Variants in ALCAM observed in about 807,000 individuals in gnomAD.
ALCAM encodes activated leukocyte cell adhesion molecule.
A neutral mutation model predicts 70.9 loss-of-function variants in ALCAM; 30 were observed. The observed-to-expected ratio is 0.42, with a 90% CI of 0.32 to 0.57. The LOEUF (loss-of-function observed/expected upper bound fraction) is 0.57. Among genes scored for constraint, ALCAM ranks in the 20% least tolerant of loss-of-function variants. The pLI is 0.11. For synonymous variants in ALCAM, 249 were observed against 242.5 expected (o/e 1.03, Z -0.25); for missense variants, 591 against 695.1 (o/e 0.85, Z 1.68).
intron 3 of ALCAM, 72 bp from the exon 4 acceptor site, chr3:105,531,930 G>C: frequency 1.7e-6 from 2 of 1,154,988 alleles, no homozygotes; most frequent in Non-Finnish European, 2.6e-6. Flanking sequence ...AATTGTTTTT[G>C]CTGTGAATCA....
chr3:105,480,558 T>C (rs1275035522), intron 1 of ALCAM, among the ~76,000 whole-genome samples: 1 of 152,102 alleles, frequency 6.6e-6, no homozygotes, highest in African/African-American at 2.4e-5. Flanking sequence ...CAGAAAATCA[T>C]AGTGCTCAGA....
chr3:105,559,884 C>T (rs1940596931), intron 14 of ALCAM, among the ~76,000 whole-genome samples: 2 of 152,116 alleles, frequency 1.3e-5, no homozygotes, highest in African/African-American at 4.8e-5. Context: ...GTTGTTACAC[C>T]TATGAGTGGC....
At chr3:105,465,346 G>C (rs1254144412) in intron 1 of ALCAM, among the ~76,000 whole-genome samples, 1 of 151,440 alleles carries the variant, frequency 6.6e-6, no homozygotes, top group Non-Finnish European at 1.5e-5. Flanking sequence ...TTAAGGAGTA[G>C]GTTCAGAAGA....
chr3:105,573,040 G>T (rs1940888737), intron 15 of ALCAM, among the ~76,000 whole-genome samples: 2 of 152,008 alleles, frequency 1.3e-5, no homozygotes, highest in Non-Finnish European at 2.9e-5. Flanking sequence ...AAAATTTTAG[G>T]CCAGGTATAG....
rs374345796 is a variant in ALCAM at position 105,424,378 on chromosome 3, GA to G, written c.73+56899del. Among the ~76,000 whole-genome samples the G allele has an allele frequency of 1.2e-3, 181 of 151,724 alleles. 1 individual carries two copies. Among genetic ancestry groups the G allele is most frequent in the African/African-American group, 4.2e-3 (175 of 41,462 alleles). On this transcript the variant is annotated intron_variant, in intron 1 of 15. Coordinates refer to ENST00000306107, the MANE Select transcript of ALCAM (RefSeq NM_001627.4). The stretch of plus-strand genomic sequence containing the variant: ...ATTCCAGAATTCAGATGAACTCTTA[GA>G]ATAGTCCGAATTTCAAAATCATGTT...
chr3:105,465,422 G>A (rs1427459116), intron 1 of ALCAM, among the ~76,000 whole-genome samples: 1 of 151,336 alleles, frequency 6.6e-6, no homozygotes, highest in Non-Finnish European at 1.5e-5. Context: ...GATCAGCTGT[G>A]GAATGATAAT....
At chr3:105,388,456 A>G (rs1935714994) in intron 1 of ALCAM, among the ~76,000 whole-genome samples, 1 of 151,628 alleles carries the variant, frequency 6.6e-6, no homozygotes, top group African/African-American at 2.4e-5. Flanking sequence ...TTAGAGTATT[A>G]CAAAATGTTA....
At chr3:105,539,922 G>A (rs1161969765) in intron 6 of ALCAM, 53 bp from the exon 7 acceptor site, 3 of 1,590,682 alleles carry the variant, frequency 1.9e-6, no homozygotes, top group East Asian at 4.5e-5. Context: ...TGTATGCACA[G>A]AGTAATTCGG....
intron 6 of ALCAM, among the ~76,000 whole-genome samples, chr3:105,536,175 C>A (rs1456817964): frequency 6.6e-6 from 1 of 151,192 alleles, no homozygotes; most frequent in Non-Finnish European, 1.5e-5. Context: ...CTTACTGCAA[C>A]CTCCACCTCT....
intron 14 of ALCAM, among the ~76,000 whole-genome samples, chr3:105,557,665 G>A (rs1057442115): frequency 6.6e-6 from 1 of 152,156 alleles, no homozygotes; most frequent in Non-Finnish European, 1.5e-5. Flanking sequence ...GTGATGCTGA[G>A]TGCATGCAGG....
At chr3:105,520,304 G>A in intron 2 of ALCAM, 137 bp downstream of exon 2, 1 of 601,564 alleles carries the variant, frequency 1.7e-6, no homozygotes, top group Admixed American at 3.0e-5. Context: ...AGGTAAAATT[G>A]TGTGGAATAT....
At chr3:105,446,335 C>G (rs1453504528) in intron 1 of ALCAM, among the ~76,000 whole-genome samples, 1 of 151,812 alleles carries the variant, frequency 6.6e-6, no homozygotes, top group Non-Finnish European at 1.5e-5. Flanking sequence ...CAAATGCTGG[C>G]AGATGTGGGG....
intron 3 of ALCAM, among the ~76,000 whole-genome samples, chr3:105,526,532 A>G (rs1429591619): frequency 2.0e-5 from 3 of 152,158 alleles, no homozygotes; most frequent in Non-Finnish European, 4.4e-5. Flanking sequence ...TGATTCTCAG[A>G]AACAGAATTT....
At chr3:105,399,630 TG>T (rs1936041015) in intron 1 of ALCAM, among the ~76,000 whole-genome samples, 1 of 152,212 alleles carries the variant, frequency 6.6e-6, no homozygotes, top group Non-Finnish European at 1.5e-5. Context: ...ATCCAGTTAC[TG>T]TAACTAATGC....
chr3:105,481,460 T>C (rs1161355686), intron 1 of ALCAM, among the ~76,000 whole-genome samples: 1 of 152,182 alleles, frequency 6.6e-6, no homozygotes, highest in Non-Finnish European at 1.5e-5. Context: ...TTTTGAAGCA[T>C]AGAACATATG....
chr3:105,412,006 AT>A (rs1936402471), intron 1 of ALCAM, among the ~76,000 whole-genome samples: 1 of 152,062 alleles, frequency 6.6e-6, no homozygotes, highest in Non-Finnish European at 1.5e-5. Context: ...TGATAAGGGC[AT>A]TTTTATGAAC....
intron 14 of ALCAM, among the ~76,000 whole-genome samples, chr3:105,567,756 C>G (rs1470501258): frequency 1.3e-5 from 2 of 152,126 alleles, no homozygotes; most frequent in Non-Finnish European, 2.9e-5. Flanking sequence ...ATTCCAAAAT[C>G]TGTAAATCTG....
At chr3:105,545,653 C>G (rs1014066490) in intron 9 of ALCAM, among the ~76,000 whole-genome samples, 3 of 151,378 alleles carry the variant, frequency 2.0e-5, no homozygotes, top group African/African-American at 7.3e-5. Context: ...TAATAATTTA[C>G]AGTGTGTTTT....
At chr3:105,561,251 A>G (rs1465654130) in intron 14 of ALCAM, among the ~76,000 whole-genome samples, 1 of 152,208 alleles carries the variant, frequency 6.6e-6, no homozygotes, top group Non-Finnish European at 1.5e-5. Context: ...ACATCTTACT[A>G]AATTACCTTG....
Sources: gnomAD v4.1 joint callset for allele counts (sites outside exome capture counted in the v4.1 genomes callset) on GRCh38, gnomAD v4.1.1 for gene constraint, MANE v1.5 for transcripts, NCBI Gene and HGNC (gene_info 2026-07-23, HGNC 2026-07-21) for gene names.